Variants in FLNA observed in about 807,000 individuals in gnomAD.
FLNA encodes filamin A.
Under a neutral mutation model 157.6 loss-of-function variants are expected in FLNA, and 7 were observed. That is an observed-to-expected ratio of 0.04 (90% CI 0.03 to 0.08). The LOEUF (loss-of-function observed/expected upper bound fraction) is 0.08, where lower values mean the gene tolerates loss of function less well. Among genes scored for constraint, FLNA ranks in the 10% least tolerant of loss-of-function variants. FLNA has a pLI of 1.00. For synonymous variants in FLNA, 1,103 were observed against 1,060.8 expected (o/e 1.04, Z -0.77); for missense variants, 1,750 against 2,398.4 (o/e 0.73, Z 5.65).
intron 44 of FLNA, 193 bp from the exon 45 acceptor site, chrX:154,350,400 C>T (rs1016553987): frequency 1.2e-4 from 55 of 447,440 alleles, no homozygotes; most frequent in South Asian, 2.9e-4. Flanking sequence ...AGCTGCCCAC[C>T]GTCAGGGTGC....
rs781806385 is a variant in FLNA, at chrX:154,366,747, G to A, written c.972C>T (p.Ala324=). ...CTGGCCCTACCTCCTCCTGGTGTCC[G>A]GCCGGGTCCTCCACGTACACCAGCA... The part of the protein sequence containing the change: ...GEVLVYVEDP[A]GHQEEAKVTA... Residue 324 remains alanine, a synonymous_variant, in exon 6 of 48, where the codon GCC becomes GCT. Transcript: ENST00000369850. The A allele has an allele frequency of 1.2e-5, 14 of 1,208,729 alleles. No homozygotes were observed. Among genetic ancestry groups the A allele is most frequent in the Admixed American group, 4.4e-5 (2 of 45,954 alleles).
At position 154,349,785 on chromosome X, in the gene FLNA, C is replaced by T; in HGVS notation, c.7416G>A (p.Val2472=). 8.3e-7 allele frequency: 1 copy of T among 1,211,795 alleles called. No individual in the cohort carries two copies. Among genetic ancestry groups the T allele is most frequent in the African/African-American group, 1.7e-5 (1 of 57,988 alleles). The change falls in exon 46 of 48, where the codon GTG becomes GTA. Residue 2472 remains valine, a synonymous_variant. Coordinates refer to ENST00000369850, the MANE Select transcript of FLNA (RefSeq NM_001110556.2). Reference sequence around the variant, plus strand: ...CAGGGCACTCCTGGCAATCCATCTTCACCTTGGAGGGGCCGTCAATGGTCA... The same window carrying T: ...CAGGGCACTCCTGGCAATCCATCTTTACCTTGGAGGGGCCGTCAATGGTCA... The part of the protein sequence containing the change: ...LSVTIDGPSK[V]KMDCQECPEG...
intron 2 of FLNA, 150 bp from the exon 3 acceptor site, chrX:154,368,240 G>A: frequency 1.2e-6 from 1 of 804,751 alleles, no homozygotes; most frequent in Non-Finnish European, 1.8e-6. Flanking sequence ...TGTGGATGAG[G>A]CCCTCTCTGC....
At chrX:154,361,064 A>AAAAAAAAAAAAAAAAGAAAG (rs1569551707) in intron 21 of FLNA, among the ~76,000 whole-genome samples, 3 of 92,808 alleles carry the variant, frequency 3.2e-5, no homozygotes, top group African/African-American at 1.2e-4. Flanking sequence ...AAAAAAAAAA[A>AAAAAAAAAAAAAAAAGAAAG]AAAAAAAAAA....
chrX:154,367,767 G>A, intron 3 of FLNA, 29 bp from the exon 4 acceptor site: 2 of 1,210,699 alleles, frequency 1.7e-6, no homozygotes, highest in Non-Finnish European at 2.2e-6. Flanking sequence ...TGTGAGTCTG[G>A]GGGCCGCAGA....
Position 154,365,483 on chromosome X carries a change from C to T in FLNA, c.1433G>A (p.Cys478Tyr). Residue 478 changes from cysteine to tyrosine, a missense_variant, in exon 10 of 48, where the codon TGT becomes TAT. Coordinates refer to ENST00000369850, the MANE Select transcript of FLNA (RefSeq NM_001110556.2). Reference protein sequence around the residue: ...SPYTVTVGQACNPSACRAVGR... With the variant: ...SPYTVTVGQAYNPSACRAVGR... ...AACCGCCCGGCAGGCACTCGGGTTA[C>T]AGGCTGCAGGCAGAGGGGCCAGCTG... 8.3e-7 allele frequency: 1 copy of T among 1,210,620 alleles called. No individual in the cohort carries two copies. Among genetic ancestry groups the T allele is most frequent in the South Asian group, 1.8e-5 (1 of 56,962 alleles).
chrX:154,364,293 T>C lies in FLNA; in HGVS notation c.2102A>G (p.His701Arg). The C allele has an allele frequency of 8.3e-7, 1 of 1,211,312 alleles. No individual in the cohort carries two copies. The highest frequency in any genetic ancestry group is 1.1e-6 in the Non-Finnish European group (1 of 895,379). ...GACCCGAAGTGGGGCCTTGCCACCG[T>C]GCTTGGCATCCACTGTGAACTCTGC... ...KPAEFTVDAKHGGKAPLRVQV... is the reference protein window; with the variant it reads ...KPAEFTVDAKRGGKAPLRVQV... Residue 701 changes from histidine to arginine, a missense_variant, in exon 14 of 48, where the codon CAC (histidine) becomes CGC (arginine). Physicochemically the swap from His to Arg is conservative, Grantham distance 29. Transcript: ENST00000369850.
In FLNA at chrX:154,353,920, C is replaced by G; in HGVS notation, c.5681G>C (p.Gly1894Ala). 3 of 1,212,270 alleles carry G rather than the reference C, an allele frequency of 2.5e-6. No homozygotes were observed. Among genetic ancestry groups the G allele is most frequent in the Non-Finnish European group, 3.3e-6 (3 of 895,550 alleles). Residue 1894 changes from glycine (G) to alanine (A), a missense_variant, in exon 35 of 48, where the codon GGA becomes GCA. Gly to Ala is a moderately conservative substitution (Grantham distance 60, BLOSUM62 0). Around this residue, in one of 5 missense-constraint regions of FLNA, gnomAD observed 970 missense variants for 1,302.6 expected, o/e 0.74. Coordinates refer to ENST00000369850, the MANE Select transcript of FLNA (RefSeq NM_001110556.2). ...AGACCAGAGCTATTGCTCACCCTCT[C>G]CTGCATCCTTGGTGTTGACGGTGAA... ...ATFTVNTKDA[G>A]EGGLSLAIEG...
chrX:154,362,285 G>A lies in FLNA; in HGVS notation c.2613C>T (p.Asp871=), dbSNP rs188212919. Residue 871 remains aspartate (D), a synonymous_variant, in exon 18 of 48, where the codon GAC becomes GAT. Coordinates refer to ENST00000369850, the MANE Select transcript of FLNA (RefSeq NM_001110556.2). Reference sequence around the variant, plus strand: ...GGCCCTCGGCCTTCACCTTACTGGCGTCATGAGAGGGCTCCACCTTGACTC... The same window carrying A: ...GGCCCTCGGCCTTCACCTTACTGGCATCATGAGAGGGCTCCACCTTGACTC... ...PIRVKVEPSH[D]ASKVKAEGPG... The A allele has an allele frequency of 1.8e-4, 215 of 1,209,800 alleles. No individual in the cohort carries two copies. In the East Asian group the frequency reaches 3.5e-3, roughly 20 times the overall value.
intron 30 of FLNA, among the ~76,000 whole-genome samples, chrX:154,355,312 C>T (rs1355126599): frequency 3.5e-5 from 4 of 113,634 alleles, no homozygotes; most frequent in Non-Finnish European, 7.5e-5. Flanking sequence ...ACAGTAGCAC[C>T]CAGGTGCCTG....
Position 154,352,752 on chromosome X carries a change from C to T in FLNA, c.6379+20G>A, listed in dbSNP as rs369979360. On this transcript the variant is annotated intron_variant, in intron 39 of 47. Transcript: ENST00000369850. Reference sequence around the variant, plus strand: ...GCCCTGGTGTAGTGAGGGGGGCTGCCGAGGCACTGCTGCACTCACCAGGCA... The same window carrying T: ...GCCCTGGTGTAGTGAGGGGGGCTGCTGAGGCACTGCTGCACTCACCAGGCA... The T allele has an allele frequency of 6.6e-6, 8 of 1,210,041 alleles. No homozygotes were observed. Among genetic ancestry groups the T allele is most frequent in the African/African-American group, 5.2e-5 (3 of 57,376 alleles).
intron 30 of FLNA, among the ~76,000 whole-genome samples, chrX:154,356,412 A>G (rs1180051258): frequency 9.0e-6 from 1 of 111,070 alleles, no homozygotes; most frequent in Non-Finnish European, 1.9e-5. Flanking sequence ...AGTACTCCCC[A>G]GCCTCCCCCG....
intron 30 of FLNA, 42 bp from the exon 31 acceptor site, chrX:154,355,114 G>A (rs2067652952): frequency 8.5e-7 from 1 of 1,181,909 alleles, no homozygotes; most frequent in Non-Finnish European, 1.1e-6. Flanking sequence ...GCCAGCGTGT[G>A]AGCTCGGGTT....
chrX:154,355,076 G>A lies in FLNA; in HGVS notation c.4970-4C>T, dbSNP rs2067652528. On this transcript the variant is annotated splice_polypyrimidine_tract_variant and splice_region_variant and intron_variant, in intron 30 of 47. Coordinates refer to ENST00000369850, the MANE Select transcript of FLNA (RefSeq NM_001110556.2). The stretch of plus-strand genomic sequence containing the variant: ...ATGGTGGGGCCGATGCCAGCACCTG[G>A]TGGGGCAGGGTGGGTCCCCAAAGGG... 8 of 1,200,359 alleles carry A rather than the reference G, an allele frequency of 6.7e-6. No homozygotes were observed. Among genetic ancestry groups the A allele is most frequent in the African/African-American group, 1.7e-5 (1 of 57,769 alleles).
chrX:154,355,387 C>T (rs2067654949), intron 30 of FLNA, among the ~76,000 whole-genome samples: 1 of 113,885 alleles, frequency 8.8e-6, no homozygotes, highest in South Asian at 3.5e-4. Flanking sequence ...TACTCAGCCT[C>T]GTCCAGCACC....
chrX:154,355,170 C>T, intron 30 of FLNA, 98 bp from the exon 31 acceptor site: 1 of 931,370 alleles, frequency 1.1e-6, no homozygotes, highest in Non-Finnish European at 1.5e-6. Flanking sequence ...CTCTCATTGC[C>T]ACCACCAAGC....
chrX:154,353,561 C>T lies in FLNA; in HGVS notation c.5853G>A (p.Arg1951=). ...QHVPGSPFTA[R]VTGDDSMRMS... is the part of the protein sequence containing the mutation. ...GCTCCCAGTGCCACCCACCTGTGAC[C>T]CGAGCAGTGAAGGGGCTGCCTGGGA... is the stretch of plus-strand genomic sequence containing the variant. Residue 1951 remains arginine, a synonymous_variant, in exon 36 of 48, where the codon CGG becomes CGA. Transcript: ENST00000369850. The T allele has an allele frequency of 8.3e-7, 1 of 1,211,428 alleles. No individual in the cohort carries two copies. Among genetic ancestry groups the T allele is most frequent in the Non-Finnish European group, 1.1e-6 (1 of 895,176 alleles).
At chrX:154,351,724 CTCATCA>C (rs2148103223) in intron 42 of FLNA, 28 bp from the exon 43 acceptor site, 2 of 1,134,109 alleles carry the variant, frequency 1.8e-6, no homozygotes, top group Middle Eastern at 2.4e-4. Context: ...GTAAGACCGG[CTCATCA>C]GCCTTTGGGC....
Position 154,366,057 on chromosome X carries a change from G to A in FLNA, c.1396C>T (p.Pro466Ser), listed in dbSNP as rs1263621847. The change falls in exon 9 of 48, where the codon CCT becomes TCT. Residue 466 changes from proline to serine, a missense_variant. Around this residue, in one of 5 missense-constraint regions of FLNA, gnomAD observed 648 missense variants for 805.8 expected, o/e 0.80. Transcript: ENST00000369850. The stretch of plus-strand genomic sequence containing the variant: ...ACAGTGACAGTGTAGGGGCTGCGAG[G>A]GATGGGCACGCCGGCAAACGTGACG... Reference protein sequence around the residue: ...VHVTFAGVPIPRSPYTVTVGQ... With the variant: ...VHVTFAGVPISRSPYTVTVGQ... The A allele has an allele frequency of 3.3e-6, 4 of 1,207,844 alleles. No individual in the cohort carries two copies. Among genetic ancestry groups the A allele is most frequent in the Admixed American group, 2.2e-5 (1 of 45,980 alleles).
Sources: gnomAD v4.1 joint callset for allele counts (sites outside exome capture counted in the v4.1 genomes callset) on GRCh38, gnomAD v4.1.1 for gene constraint, gnomAD v4.1.1 regional missense constraint, MANE v1.5 for transcripts, NCBI Gene and HGNC (gene_info 2026-07-23, HGNC 2026-07-21) for gene names.